Variants in GABRB1 observed in about 807,000 individuals in gnomAD.
GABRB1 encodes gamma-aminobutyric acid type A receptor subunit beta1, also known as gamma-aminobutyric acid receptor subunit beta-1.
GABRB1 carries 17 observed loss-of-function variants against 51.6 expected under a neutral mutation model. The observed-to-expected ratio is 0.33, with a 90% confidence interval of 0.23 to 0.49. The LOEUF is 0.49. Ranked by LOEUF, GABRB1 falls within the 20% of genes least tolerant of loss-of-function variation. The probability of loss-of-function intolerance (pLI) is 0.99; values close to 1 mark genes in which losing one functional copy is unlikely to be tolerated. For missense variants in GABRB1, 410 were observed against 600.6 expected (o/e 0.68, Z 3.32); for synonymous variants, 247 against 218.9 (o/e 1.13, Z -1.14).
chr4:47,006,105 A>G (rs979982545), intron 1 of GABRB1, among the ~76,000 whole-genome samples: 2 of 151,906 alleles, frequency 1.3e-5, no homozygotes, highest in African/African-American at 4.8e-5. Flanking sequence ...TTCTTTGACA[A>G]TGGAATCCCT....
intron 5 of GABRB1, among the ~76,000 whole-genome samples, chr4:47,399,034 C>T (rs1369406301): frequency 3.9e-5 from 6 of 152,226 alleles, no homozygotes; most frequent in Non-Finnish European, 7.3e-5. Context: ...TCGTGATCCG[C>T]CCACCTTGGC....
chr4:47,139,555 T>C (rs1716824632), intron 3 of GABRB1, among the ~76,000 whole-genome samples: 1 of 152,044 alleles, frequency 6.6e-6, no homozygotes, highest in Non-Finnish European at 1.5e-5. Context: ...GCAGACTCCA[T>C]GGTGTCCTTC....
chr4:47,423,806 T>A (rs1316788120), intron 8 of GABRB1, among the ~76,000 whole-genome samples: 1 of 152,212 alleles, frequency 6.6e-6, no homozygotes, highest in East Asian at 1.9e-4. Flanking sequence ...TGAGCCTTGG[T>A]TTTCCTGTCT....
chr4:47,242,117 A>G (rs1721547398), intron 4 of GABRB1, among the ~76,000 whole-genome samples: 1 of 151,096 alleles, frequency 6.6e-6, no homozygotes, highest in South Asian at 2.1e-4. Context: ...GTTCCCACCT[A>G]TGAGTGAGAA....
chr4:47,140,056 G>A (rs10938470), intron 3 of GABRB1, among the ~76,000 whole-genome samples: 37,883 of 150,284 alleles, frequency 0.25, 6,125 homozygotes, highest in Middle Eastern at 0.43. Flanking sequence ...TGTGGAAGAA[G>A]ACAGCAGGTT....
intron 4 of GABRB1, among the ~76,000 whole-genome samples, chr4:47,308,828 T>C (rs1219814910): frequency 6.6e-6 from 1 of 152,134 alleles, no homozygotes; most frequent in Non-Finnish European, 1.5e-5. Flanking sequence ...TTTCAATATC[T>C]AGGTCGTTTC....
chr4:47,182,926 G>A (rs1312966348), intron 4 of GABRB1, among the ~76,000 whole-genome samples: 3 of 151,848 alleles, frequency 2.0e-5, no homozygotes, highest in Admixed American at 6.6e-5. Flanking sequence ...AGCCACATTT[G>A]AAGATTCCCA....
At chr4:47,109,469 T>C (rs1207790522) in intron 3 of GABRB1, among the ~76,000 whole-genome samples, 1 of 152,100 alleles carries the variant, frequency 6.6e-6, no homozygotes, top group African/African-American at 2.4e-5. Flanking sequence ...CTAAACTTCA[T>C]GCAGAATGGT....
intron 1 of GABRB1, among the ~76,000 whole-genome samples, chr4:47,011,572 A>G (rs1171144405): frequency 2.0e-5 from 3 of 152,162 alleles, no homozygotes; most frequent in East Asian, 1.9e-4. Flanking sequence ...CAAAGAGATC[A>G]TTTGTGGGCA....
chr4:47,162,522 T>C (rs1012980123), intron 4 of GABRB1, among the ~76,000 whole-genome samples: 4 of 152,054 alleles, frequency 2.6e-5, no homozygotes, highest in African/African-American at 9.7e-5. Context: ...ACTTCAGGCA[T>C]TTCCCAAATT....
chr4:47,352,640 A>G (rs528623791), intron 5 of GABRB1, among the ~76,000 whole-genome samples: 2 of 152,364 alleles, frequency 1.3e-5, no homozygotes, highest in Admixed American at 6.5e-5. Flanking sequence ...GTAATCCAGC[A>G]TATAAACAGA....
chr4:47,016,480 T>C (rs1041107894), intron 1 of GABRB1, among the ~76,000 whole-genome samples: 2 of 152,218 alleles, frequency 1.3e-5, no homozygotes, highest in African/African-American at 4.8e-5. Context: ...AATTGCTTAA[T>C]AATTTTATGG....
At chr4:47,047,998 A>G (rs1352320114) in intron 3 of GABRB1, among the ~76,000 whole-genome samples, 2 of 152,130 alleles carry the variant, frequency 1.3e-5, no homozygotes, top group Non-Finnish European at 2.9e-5. Flanking sequence ...AAAGATAATT[A>G]TATCTGTCCT....
At chr4:47,238,832 C>T (rs1721422247) in intron 4 of GABRB1, among the ~76,000 whole-genome samples, 1 of 152,106 alleles carries the variant, frequency 6.6e-6, no homozygotes, top group African/African-American at 2.4e-5. Context: ...GCTGAATATA[C>T]ATATTAAATA....
At chr4:46,994,822 G>A (rs1723933539) in intron 1 of GABRB1, among the ~76,000 whole-genome samples, 1 of 152,188 alleles carries the variant, frequency 6.6e-6, no homozygotes, top group Non-Finnish European at 1.5e-5. Context: ...GTTCTAGTCG[G>A]AACTCTGATG....
At chr4:46,995,547 A>C (rs555843100) in intron 1 of GABRB1, among the ~76,000 whole-genome samples, 11 of 152,132 alleles carry the variant, frequency 7.2e-5, no homozygotes, top group African/African-American at 2.6e-4. Context: ...ATTTTTGTAG[A>C]GATGTGGGGG....
intron 4 of GABRB1, among the ~76,000 whole-genome samples, chr4:47,309,979 A>G (rs965494337): frequency 6.6e-6 from 1 of 152,192 alleles, no homozygotes; most frequent in African/African-American, 2.4e-5. Context: ...GTACATGCAT[A>G]TAATAACTCT....
intron 8 of GABRB1, among the ~76,000 whole-genome samples, chr4:47,414,929 C>G (rs999791439): frequency 2.0e-5 from 3 of 152,306 alleles, no homozygotes; most frequent in African/African-American, 7.2e-5. Flanking sequence ...CTCACCCTGC[C>G]TTTGATGAAA....
intron 5 of GABRB1, among the ~76,000 whole-genome samples, chr4:47,340,793 A>G (rs1378888792): frequency 6.6e-6 from 1 of 152,068 alleles, no homozygotes; most frequent in Non-Finnish European, 1.5e-5. Context: ...AACCTGGGAA[A>G]GGAGATTCTG....
Sources: gnomAD v4.1 joint callset for allele counts (sites outside exome capture counted in the v4.1 genomes callset) on GRCh38, gnomAD v4.1.1 for gene constraint, MANE v1.5 for transcripts, NCBI Gene and HGNC (gene_info 2026-07-23, HGNC 2026-07-21) for gene names.